The following ORC5 variants were observed in gnomAD, a reference collection of about 807,000 sequenced individuals.
The protein encoded by ORC5 is origin recognition complex subunit 5, also known as protein phosphatase 1, regulatory subunit 117.
In ORC5, 39 loss-of-function variants were observed where a neutral mutation model predicts 58.8. The observed-to-expected ratio is 0.66, with a 90% CI of 0.51 to 0.87. ORC5 has a LOEUF of 0.87. Ranked by LOEUF, ORC5 falls within the 40% of genes least tolerant of loss-of-function variation. The pLI is 0.00. For synonymous variants in ORC5, 218 were observed against 177.6 expected, an observed-to-expected ratio of 1.23 and a Z score of -1.81; for missense variants, 493 against 506.3, an observed-to-expected ratio of 0.97 and a Z score of 0.25.
At chr7:104,202,921 C>T (rs1035169) in intron 2 of ORC5, among the ~76,000 whole-genome samples, 61,559 of 151,940 alleles carry the variant, frequency 0.41, 13,633 homozygotes, top group Non-Finnish European at 0.51. Context: ...CAATCTAAAG[C>T]CAGGGAAACA....
intron 8 of ORC5, among the ~76,000 whole-genome samples, chr7:104,178,836 G>A (rs1308057365): frequency 6.6e-6 from 1 of 151,890 alleles, no homozygotes. Context: ...TAACAATTCT[G>A]ATTAACATAT....
intron 9 of ORC5, among the ~76,000 whole-genome samples, chr7:104,167,127 GTTC>G (rs1240445017): frequency 6.6e-6 from 1 of 151,892 alleles, no homozygotes; most frequent in Admixed American, 6.6e-5. Flanking sequence ...AATCCTACTC[GTTC>G]TTCTCTTCAA....
intron 12 of ORC5, among the ~76,000 whole-genome samples, chr7:104,141,482 T>C (rs1798671999): frequency 6.6e-6 from 1 of 152,194 alleles, no homozygotes; most frequent in Non-Finnish European, 1.5e-5. Flanking sequence ...TTGCTAGCAG[T>C]AGACTTCAGA....
rs150684791 is a variant in ORC5, at chr7:104,190,834, T to G, written c.554-2453A>C. Among the ~76,000 whole-genome samples the G allele has an allele frequency of 7.2e-5, 11 of 152,148 alleles. No homozygotes were observed. The East Asian group carries it at 2.1e-3, about 29-fold the overall frequency. ...ATGTCAATTTCCTTTTGTTTAAGGT[T>G]CCCAGTAAGTTAGTATTTTTAGCCA... On this transcript the variant is annotated intron_variant, in intron 5 of 13. Coordinates refer to ENST00000297431, the MANE Select transcript of ORC5 (RefSeq NM_002553.4).
At chr7:104,127,508 C>T (rs1158111027) in intron 13 of ORC5, among the ~76,000 whole-genome samples, 1 of 151,646 alleles carries the variant, frequency 6.6e-6, no homozygotes, top group African/African-American at 2.4e-5. Flanking sequence ...TAATTATTCT[C>T]CTTTCACAAA....
chr7:104,134,659 AGGGATTAG>A (rs1273493073), intron 13 of ORC5, among the ~76,000 whole-genome samples: 1 of 152,118 alleles, frequency 6.6e-6, no homozygotes, highest in African/African-American at 2.4e-5. Context: ...TCCAACCCTG[AGGGATTAG>A]GGTTTGAGAA....
At chr7:104,190,092 A>G (rs1799640331) in intron 5 of ORC5, among the ~76,000 whole-genome samples, 1 of 152,180 alleles carries the variant, frequency 6.6e-6, no homozygotes, top group South Asian at 2.1e-4. Context: ...ATTTGGTGTC[A>G]GAAGTGTTTT....
intron 12 of ORC5, among the ~76,000 whole-genome samples, chr7:104,154,511 T>C (rs1261788489): frequency 6.6e-6 from 1 of 151,988 alleles, no homozygotes; most frequent in Non-Finnish European, 1.5e-5. Context: ...CCATTAACTC[T>C]AAACATATAA....
rs200528719 is a variant in ORC5, at chr7:104,155,799, G to GT, written c.1149+5272dup. ...CTGACCTAACTACAAGAGTATTTGG[G>GT]TAGGGGAGGTAAGAATGAGTAAGAG... On this transcript the variant is annotated intron_variant, in intron 12 of 13. Transcript: ENST00000297431. Among the ~76,000 whole-genome samples, 1,103 of 151,558 alleles carry GT rather than the reference G, an allele frequency of 7.3e-3. 17 individuals are homozygous for GT. Among genetic ancestry groups the GT allele is most frequent in the African/African-American group, 0.025 (1,045 of 41,464 alleles).
chr7:104,133,062 G>A lies in ORC5; in HGVS notation c.1262+3719C>T, dbSNP rs566595534. On this transcript the variant is annotated intron_variant, in intron 13 of 13. Transcript: ENST00000297431. This position sits in a 1 kb window ranked among gnomAD's most constrained non-coding sequence, Gnocchi z 4.7. ...AAAGAAGGTGTATGTGCTAGATGGG[G>A]CTAGGCACAGGTAGGGGCCAGATCA... 2.6e-5 allele frequency among the ~76,000 whole-genome samples: 4 copies of A among 152,238 alleles called. No individual in the cohort carries two copies. The East Asian group carries it at 5.8e-4, about 22-fold the overall frequency.
chr7:104,203,998 A>C, intron 2 of ORC5, 144 bp downstream of exon 2: 1 of 503,068 alleles, frequency 2.0e-6, no homozygotes, highest in Non-Finnish European at 3.6e-6. Flanking sequence ...ATGACAGTAG[A>C]CCATTCATGG....
chr7:104,204,936 T>G (rs919246617), intron 1 of ORC5, among the ~76,000 whole-genome samples: 14 of 152,142 alleles, frequency 9.2e-5, no homozygotes, highest in African/African-American at 3.1e-4. Context: ...ATTCCTTAAA[T>G]GAACGCTTTC....
chr7:104,173,938 G>A (rs1021459028), intron 8 of ORC5, among the ~76,000 whole-genome samples: 8 of 141,118 alleles, frequency 5.7e-5, no homozygotes, highest in Non-Finnish European at 9.1e-5. Flanking sequence ...TCCGCCTCCC[G>A]GGTTCACGCC....
In ORC5 at chr7:104,131,984, G is replaced by GT. The variant is rs200720057; in HGVS notation, c.1262+4796dup. The stretch of plus-strand genomic sequence containing the variant: ...ATATAGCTATGTTATACTTGTTGCT[G>GT]TATCTCCCCAAAGCCTACCACAGTG... On this transcript the variant is annotated intron_variant, in intron 13 of 13. Transcript: ENST00000297431. Among the ~76,000 whole-genome samples, 14 of 152,288 alleles carry GT rather than the reference G, an allele frequency of 9.2e-5. No individual in the cohort carries two copies. The East Asian group carries it at 2.1e-3, about 23-fold the overall frequency.
intron 5 of ORC5, among the ~76,000 whole-genome samples, chr7:104,194,827 AT>A (rs1176431074): frequency 6.6e-6 from 1 of 151,942 alleles, no homozygotes; most frequent in African/African-American, 2.4e-5. Context: ...ATCCAAAAAA[AT>A]GTAGTAATTA....
chr7:104,183,423 T>C (rs1388324314), intron 8 of ORC5, among the ~76,000 whole-genome samples: 1 of 152,148 alleles, frequency 6.6e-6, no homozygotes, highest in Non-Finnish European at 1.5e-5. Context: ...TCAGCAATGA[T>C]TTTGGAGAAA....
At chr7:104,195,503 G>A (rs983428562) in intron 4 of ORC5, among the ~76,000 whole-genome samples, 67 of 152,178 alleles carry the variant, frequency 4.4e-4, no homozygotes, top group Non-Finnish European at 8.2e-4. Flanking sequence ...CTAGGCATAA[G>A]TGATCCTCCT....
At chr7:104,185,179 C>T (rs1450401285) in intron 6 of ORC5, among the ~76,000 whole-genome samples, 5 of 152,088 alleles carry the variant, frequency 3.3e-5, no homozygotes, top group East Asian at 1.9e-4. Flanking sequence ...CACCATGGCA[C>T]GCATTTTACC....
chr7:104,134,482 A>G (rs1350966115), intron 13 of ORC5, among the ~76,000 whole-genome samples: 1 of 151,312 alleles, frequency 6.6e-6, no homozygotes, highest in Non-Finnish European at 1.5e-5. Context: ...GTGCCCTATT[A>G]TCTCAATACA....
Sources: gnomAD v4.1 joint callset for allele counts (sites outside exome capture counted in the v4.1 genomes callset) on GRCh38, gnomAD v4.1.1 for gene constraint, Gnocchi (gnomAD v3.1) non-coding constraint, MANE v1.5 for transcripts, NCBI Gene and HGNC (gene_info 2026-07-23, HGNC 2026-07-21) for gene names.